The following PTPRM variants were observed in gnomAD, a reference collection of about 807,000 sequenced individuals.
PTPRM encodes the protein protein tyrosine phosphatase receptor type M, also known as receptor-type tyrosine-protein phosphatase mu.
A neutral mutation model predicts 186.7 loss-of-function variants in PTPRM; 47 were observed. That is an observed-to-expected ratio of 0.25 (90% CI 0.20 to 0.32). PTPRM has a LOEUF of 0.32. Among genes scored for constraint, PTPRM ranks in the 10% least tolerant of loss-of-function variants. The probability of loss-of-function intolerance (pLI) is 1.00; values close to 1 mark genes in which losing one functional copy is unlikely to be tolerated. For missense variants in PTPRM, 1,494 were observed against 1,865.0 expected (o/e 0.80, Z 3.66); for synonymous variants, 668 against 674.9 (o/e 0.99, Z 0.16).
intron 19 of PTPRM, among the ~76,000 whole-genome samples, chr18:8,289,545 T>C (rs994705383): frequency 2.7e-5 from 3 of 112,526 alleles, no homozygotes; most frequent in East Asian, 4.2e-4. Flanking sequence ...CACATATATA[T>C]ATATACATAT....
intron 7 of PTPRM, among the ~76,000 whole-genome samples, chr18:8,052,023 C>A (rs2087536913): frequency 6.6e-6 from 1 of 152,160 alleles, no homozygotes; most frequent in Non-Finnish European, 1.5e-5. Flanking sequence ...AAAAAACACT[C>A]CTCCAAGACA....
At position 7,820,149 on chromosome 18, in the gene PTPRM, G is replaced by C. The variant is rs373549958; in HGVS notation, c.196+45878G>C. Among the ~76,000 whole-genome samples, 636 of 76,538 alleles carry C rather than the reference G, an allele frequency of 8.3e-3. 3 individuals carry two copies. Among genetic ancestry groups the C allele is most frequent in the African/African-American group, 0.05 (618 of 12,356 alleles). 50.2% of individuals were successfully genotyped at this position (76,538 alleles called of 152,430 possible). On this transcript the variant is annotated intron_variant, in intron 2 of 32. Coordinates refer to ENST00000580170, the MANE Select transcript of PTPRM (RefSeq NM_001105244.2). ...CTCTTGTTGTGCCTGCCTGTATCCA[G>C]CTTCCAATTAGCTATATCCACTCTT...
chr18:7,650,691 C>A (rs1240676737), intron 1 of PTPRM, among the ~76,000 whole-genome samples: 1 of 151,960 alleles, frequency 6.6e-6, no homozygotes, highest in Admixed American at 6.6e-5. Flanking sequence ...GCAGACTGTA[C>A]CGAACCACCT....
At chr18:7,858,846 G>A in intron 2 of PTPRM, among the ~76,000 whole-genome samples, 1 of 152,148 alleles carries the variant, frequency 6.6e-6, no homozygotes, top group East Asian at 1.9e-4. Context: ...TGATACCAAG[G>A]ATATCTATAA....
At chr18:7,984,528 A>AT (rs2082725210) in intron 7 of PTPRM, among the ~76,000 whole-genome samples, 1 of 134,702 alleles carries the variant, frequency 7.4e-6, no homozygotes, top group African/African-American at 2.8e-5. Context: ...TTAATTTTTA[A>AT]TTTTTGTGGG....
chr18:8,286,942 A>G (rs1293269217), intron 19 of PTPRM, among the ~76,000 whole-genome samples: 1 of 151,810 alleles, frequency 6.6e-6, no homozygotes, highest in East Asian at 1.9e-4. Context: ...TTTCTGCTAT[A>G]CTTATTCATT....
chr18:8,328,607 T>C (rs543719000), intron 22 of PTPRM, among the ~76,000 whole-genome samples: 1 of 152,356 alleles, frequency 6.6e-6, no homozygotes, highest in South Asian at 2.1e-4. Flanking sequence ...AAGTGGAGTA[T>C]TCTCTGGTTT....
intron 1 of PTPRM, among the ~76,000 whole-genome samples, chr18:7,619,273 T>G (rs530204308): frequency 2.6e-5 from 4 of 152,298 alleles, no homozygotes; most frequent in African/African-American, 9.6e-5. Flanking sequence ...GATTTAGTTC[T>G]GGGAGAAACT....
At chr18:7,629,745 A>G (rs2038147403) in intron 1 of PTPRM, among the ~76,000 whole-genome samples, 1 of 152,158 alleles carries the variant, frequency 6.6e-6, no homozygotes, top group Admixed American at 6.6e-5. Context: ...TAGGGTAACC[A>G]GATTTTGTGT....
intron 2 of PTPRM, among the ~76,000 whole-genome samples, chr18:7,826,169 G>A (rs1055592593): frequency 2.6e-5 from 4 of 152,018 alleles, no homozygotes; most frequent in South Asian, 2.1e-4. Flanking sequence ...GTGTTACCTC[G>A]CAGAAAGCTA....
At chr18:7,817,499 G>T (rs1216592889) in intron 2 of PTPRM, among the ~76,000 whole-genome samples, 1 of 152,206 alleles carries the variant, frequency 6.6e-6, no homozygotes, top group East Asian at 1.9e-4. Context: ...GTAATTAACA[G>T]TTGGCCACTA....
At position 7,826,471 on chromosome 18, in the gene PTPRM, G is replaced by A. The variant is rs567341658; in HGVS notation, c.196+52200G>A. Among the ~76,000 whole-genome samples the A allele has an allele frequency of 2.6e-5, 4 of 152,264 alleles. No individual in the cohort carries two copies. The East Asian group carries it at 7.7e-4, about 29-fold the overall frequency. On this transcript the variant is annotated intron_variant, in intron 2 of 32. Coordinates refer to ENST00000580170, the MANE Select transcript of PTPRM (RefSeq NM_001105244.2). ...GTGCTATCCTGGGATGTCAAGCATT[G>A]TTAAATTTGAAAATGTGAACTGGAC...
intron 9 of PTPRM, among the ~76,000 whole-genome samples, chr18:8,080,123 T>G (rs2090045888): frequency 6.6e-6 from 1 of 152,012 alleles, no homozygotes; most frequent in South Asian, 2.1e-4. Context: ...TGGAGAAATG[T>G]GTACATGCAT....
chr18:7,940,515 G>C (rs1300508616), intron 5 of PTPRM, among the ~76,000 whole-genome samples: 1 of 152,140 alleles, frequency 6.6e-6, no homozygotes, highest in Non-Finnish European at 1.5e-5. Context: ...CTGGGGGATG[G>C]GTGGGAAGCA....
chr18:7,745,206 G>A (rs1317054855), intron 1 of PTPRM, among the ~76,000 whole-genome samples: 1 of 152,156 alleles, frequency 6.6e-6, no homozygotes, highest in Non-Finnish European at 1.5e-5. Flanking sequence ...TCAGTCAATG[G>A]CAATACGTCT....
chr18:8,324,046 A>G (rs1421862731), intron 22 of PTPRM, among the ~76,000 whole-genome samples: 2 of 152,200 alleles, frequency 1.3e-5, no homozygotes, highest in East Asian at 3.8e-4. Flanking sequence ...CAGAAACCAT[A>G]GACTTAATTA....
intron 11 of PTPRM, among the ~76,000 whole-genome samples, chr18:8,093,363 G>T: frequency 6.6e-6 from 1 of 152,116 alleles, no homozygotes; most frequent in South Asian, 2.1e-4. Flanking sequence ...GTTTACTCTT[G>T]CCTTAGCAGT....
intron 1 of PTPRM, among the ~76,000 whole-genome samples, chr18:7,671,399 C>T (rs1568018993): frequency 6.6e-6 from 1 of 152,170 alleles, no homozygotes; most frequent in African/African-American, 2.4e-5. Context: ...CTGCCTCTCC[C>T]CCTTTTCTTC....
intron 14 of PTPRM, among the ~76,000 whole-genome samples, chr18:8,243,824 G>C (rs563408207): frequency 2.8e-4 from 43 of 152,184 alleles, no homozygotes; most frequent in African/African-American, 1.0e-3. Flanking sequence ...TATCTTTCTG[G>C]TTGTTTGGGG....
Sources: allele counts gnomAD v4.1 joint callset (sites outside exome capture counted in the v4.1 genomes callset), GRCh38; gene constraint gnomAD v4.1.1; transcripts MANE v1.5; gene names NCBI Gene and HGNC (gene_info 2026-07-23, HGNC 2026-07-21).